The following BBX variants were observed in gnomAD, a reference collection of about 807,000 sequenced individuals.
BBX encodes HMG box transcription factor BBX.
Under a neutral mutation model 100.2 loss-of-function variants are expected in BBX, and 30 were observed. The ratio of observed to expected loss-of-function variants is 0.30; its 90% CI spans 0.22 to 0.41. The LOEUF (loss-of-function observed/expected upper bound fraction) is 0.41, where lower values mean the gene tolerates loss of function less well. Among genes scored for constraint, BBX ranks in the 10% least tolerant of loss-of-function variants. The pLI is 1.00. For missense variants in BBX, 1,023 were observed against 1,129.8 expected (o/e 0.91, Z 1.35); for synonymous variants, 376 against 388.1 (o/e 0.97, Z 0.37).
intron 3 of BBX, among the ~76,000 whole-genome samples, chr3:107,653,700 T>A (rs2057977727): frequency 6.6e-6 from 1 of 152,152 alleles, no homozygotes; most frequent in Admixed American, 6.6e-5. Context: ...TTACCAAGCG[T>A]CTCCTTATGA....
intron 2 of BBX, among the ~76,000 whole-genome samples, chr3:107,594,885 C>A (rs948235169): frequency 2.0e-5 from 3 of 152,044 alleles, no homozygotes; most frequent in African/African-American, 7.2e-5. Context: ...CTGTTATTAC[C>A]TTTAAAAGAT....
chr3:107,609,086 C>T (rs528202388), intron 2 of BBX, among the ~76,000 whole-genome samples: 1 of 152,166 alleles, frequency 6.6e-6, no homozygotes, highest in African/African-American at 2.4e-5. Context: ...CTAGGACTTC[C>T]AGTACTCTTA....
intron 2 of BBX, among the ~76,000 whole-genome samples, chr3:107,528,522 C>A (rs1272151955): frequency 6.6e-6 from 1 of 151,878 alleles, no homozygotes; most frequent in Admixed American, 6.6e-5. Context: ...TTTTTTTGTT[C>A]AAGGTATATG....
intron 4 of BBX, among the ~76,000 whole-genome samples, chr3:107,712,998 A>G (rs1476827531): frequency 6.6e-6 from 1 of 152,232 alleles, no homozygotes; most frequent in Non-Finnish European, 1.5e-5. Flanking sequence ...TCCTGCAGAC[A>G]TAGGTATCCA....
At chr3:107,770,649 G>A (rs1409104871) in intron 10 of BBX, among the ~76,000 whole-genome samples, 2 of 152,088 alleles carry the variant, frequency 1.3e-5, no homozygotes, top group Non-Finnish European at 2.9e-5. Context: ...ACTTGCTGAG[G>A]TCTAAAGGTT....
intron 1 of BBX, 121 bp downstream of exon 1, chr3:107,523,228 GC>G: frequency 4.5e-6 from 1 of 224,130 alleles, no homozygotes; most frequent in Admixed American, 5.4e-5. Context: ...AGCGGCGGCG[GC>G]GGCGGCGGCG....
chr3:107,621,847 C>T (rs1206879664), intron 2 of BBX, among the ~76,000 whole-genome samples: 4 of 152,320 alleles, frequency 2.6e-5, no homozygotes, highest in Admixed American at 2.6e-4. Context: ...TGAACTGATA[C>T]AGCTCATCCC....
At chr3:107,568,582 G>A (rs2051111000) in intron 2 of BBX, among the ~76,000 whole-genome samples, 1 of 152,002 alleles carries the variant, frequency 6.6e-6, no homozygotes, top group East Asian at 1.9e-4. Context: ...TTCTTATGTT[G>A]CCTCTTCTCC....
intron 2 of BBX, among the ~76,000 whole-genome samples, chr3:107,533,037 A>G (rs899783920): frequency 2.0e-5 from 3 of 152,078 alleles, no homozygotes; most frequent in Non-Finnish European, 4.4e-5. Context: ...AACCTAACCC[A>G]TACTGTCATG....
At chr3:107,620,809 G>A (rs1559883204) in intron 2 of BBX, among the ~76,000 whole-genome samples, 1 of 152,118 alleles carries the variant, frequency 6.6e-6, no homozygotes, top group African/African-American at 2.4e-5. Context: ...CTACTGGGCA[G>A]TGGTCAAAAT....
In BBX at chr3:107,779,010, TATATATATATACACACAC is replaced by T. The variant is rs1171629314; in HGVS notation, c.2203+493_2203+510del. 1.7e-4 allele frequency among the ~76,000 whole-genome samples: 12 copies of T among 71,730 alleles called. 1 individual carries two copies. Among genetic ancestry groups the T allele is most frequent in the Admixed American group, 4.4e-4 (3 of 6,864 alleles). The allele number at this position is 71,730 out of a possible 152,430, so 47.1% of individuals were successfully genotyped here. ...CTCCAGCAACATATATATATATATA[TATATATATATACACACAC>T]ACACACACATATACATTGGTTTTGT... On this transcript the variant is annotated intron_variant, in intron 13 of 17. Coordinates refer to ENST00000325805, the MANE Select transcript of BBX (RefSeq NM_001142568.3).
chr3:107,798,203 C>T (rs1188919803), intron 15 of BBX, among the ~76,000 whole-genome samples: 1 of 152,184 alleles, frequency 6.6e-6, no homozygotes, highest in African/African-American at 2.4e-5. Context: ...ACAACTAGGA[C>T]ATAATTTACA....
chr3:107,743,918 G>GTTTTTTTTTTTTTTTTTTTTTTTATTT (rs2064329053), intron 7 of BBX, among the ~76,000 whole-genome samples: 2 of 56,622 alleles, frequency 3.5e-5, no homozygotes, highest in Non-Finnish European at 6.1e-5. Flanking sequence ...TGTTTTAGTG[G>GTTTTTTTTTTTTTTTTTTTTTTTATTT]TTTTTTTTTT....
intron 9 of BBX, among the ~76,000 whole-genome samples, chr3:107,750,771 A>G (rs2065021276): frequency 6.6e-6 from 1 of 152,238 alleles, no homozygotes; most frequent in African/African-American, 2.4e-5. Context: ...TATGTATTGC[A>G]ACAGAAATAG....
At chr3:107,737,190 T>C (rs2063693403) in intron 7 of BBX, among the ~76,000 whole-genome samples, 1 of 152,142 alleles carries the variant, frequency 6.6e-6, no homozygotes, top group Non-Finnish European at 1.5e-5. Context: ...TGTAGGTATA[T>C]ATTATTGCCA....
chr3:107,545,999 A>G (rs1023538646), intron 2 of BBX, among the ~76,000 whole-genome samples: 3 of 152,188 alleles, frequency 2.0e-5, no homozygotes, highest in African/African-American at 7.2e-5. Flanking sequence ...ATCGTAGCTC[A>G]AAGGTGCTAA....
chr3:107,788,000 TCTCTTAA>T (rs1177926647), intron 13 of BBX, among the ~76,000 whole-genome samples: 1 of 152,186 alleles, frequency 6.6e-6, no homozygotes, highest in Non-Finnish European at 1.5e-5. Context: ...GAGCTCTGGA[TCTCTTAA>T]GTCCTCGTAA....
At chr3:107,734,710 C>T (rs13095440) in intron 7 of BBX, among the ~76,000 whole-genome samples, 15,049 of 152,148 alleles carry the variant, frequency 0.099, 859 homozygotes, top group Non-Finnish European at 0.12. Context: ...AACAAATCAA[C>T]GTCTGTAGAA....
rs1441441018 is a variant in BBX at position 107,581,493 on chromosome 3, G to A, written c.-84+55095G>A. On this transcript the variant is annotated intron_variant, in intron 2 of 17. Transcript: ENST00000325805. ...GACTATATTTTCTTCTAGGGGCTTA[G>A]CAGTACTTTGCATATACTAGATAGC... is the stretch of plus-strand genomic sequence containing the variant. Among the ~76,000 whole-genome samples the A allele has an allele frequency of 3.3e-5, 5 of 151,480 alleles. No homozygotes were observed. The East Asian group carries it at 9.7e-4, about 29-fold the overall frequency.
Sources: gnomAD v4.1 joint callset for allele counts (sites outside exome capture counted in the v4.1 genomes callset) on GRCh38, gnomAD v4.1.1 for gene constraint, MANE v1.5 for transcripts, NCBI Gene and HGNC (gene_info 2026-07-23, HGNC 2026-07-21) for gene names.